RNF170: variants seen among roughly 807,000 people sequenced by gnomAD.
RNF170 encodes the protein ring finger protein 170.
Under a neutral mutation model 32.7 loss-of-function variants are expected in RNF170, and 12 were observed. The observed-to-expected ratio is 0.37, with a 90% CI of 0.24 to 0.60. RNF170 has a LOEUF of 0.60. Among genes scored for constraint, RNF170 ranks in the 20% least tolerant of loss-of-function variants. The pLI is 0.72. For synonymous variants in RNF170, 91 were observed against 103.6 expected (o/e 0.88, Z 0.74); for missense variants, 212 against 311.2 (o/e 0.68, Z 2.40).
At position 42,853,506 on chromosome 8, in the gene RNF170, C is replaced by A; in HGVS notation, c.*2653G>T. 7.8e-7 allele frequency: 1 copy of A among 1,287,070 alleles called. No individual in the cohort carries two copies. Among genetic ancestry groups the A allele is most frequent in the Non-Finnish European group, 1.0e-6 (1 of 988,640 alleles). 79.7% of individuals were successfully genotyped at this position (1,287,070 alleles called of 1,614,324 possible). A position where few individuals can be genotyped will look rare whatever the true frequency, so the allele number is the denominator to read the frequency against. On this transcript the variant is annotated 3_prime_UTR_variant, in exon 7 of 7. Coordinates refer to ENST00000527424, the MANE Select transcript of RNF170 (RefSeq NM_030954.4). The stretch of plus-strand genomic sequence containing the variant: ...TAGTTGAAACCACTGTTCTAGTGGG[C>A]AGTTAGAACAGTTGTTTTCCCCGTC...
downstream of RNF170, among the ~76,000 whole-genome samples, chr8:42,851,150 T>G (rs1432785764): frequency 2.6e-5 from 4 of 152,070 alleles, no homozygotes; most frequent in Non-Finnish European, 5.9e-5. Context: ...CAGCCCCCAT[T>G]GGGCTCCTGG....
intron 4 of RNF170, among the ~76,000 whole-genome samples, chr8:42,865,960 G>A (rs1207356620): frequency 6.6e-6 from 1 of 152,052 alleles, no homozygotes; most frequent in East Asian, 1.9e-4. Flanking sequence ...ACTCCAGCCT[G>A]GGCAACAAAG....
intron 6 of RNF170, among the ~76,000 whole-genome samples, chr8:42,859,016 C>G (rs2128924467): frequency 6.6e-6 from 1 of 152,152 alleles, no homozygotes; most frequent in African/African-American, 2.4e-5. Flanking sequence ...AACCCCATCT[C>G]TACAAAAAAT....
chr8:42,873,667 A>C (rs868033281), intron 3 of RNF170, among the ~76,000 whole-genome samples: 1 of 152,354 alleles, frequency 6.6e-6, no homozygotes, highest in African/African-American at 2.4e-5. Flanking sequence ...ATTAGACAGC[A>C]ATTATTTCTA....
chr8:42,856,476 G>T (rs1437342490), intron 6 of RNF170, 48 bp from the exon 7 acceptor site: 3 of 1,315,834 alleles, frequency 2.3e-6, no homozygotes, highest in Admixed American at 3.7e-5. Context: ...TAATGTGTCA[G>T]ATTTCAAAAT....
intron 5 of RNF170, 102 bp downstream of exon 5, chr8:42,865,314 T>G: frequency 1.2e-6 from 1 of 808,354 alleles, no homozygotes; most frequent in Non-Finnish European, 2.1e-6. Context: ...TAAATGAAGT[T>G]CTGCTAAAAA....
In RNF170 at chr8:42,887,888, C is replaced by T; in HGVS notation, c.-7-17G>A. The T allele has an allele frequency of 6.2e-7, 1 of 1,609,052 alleles. No homozygotes were observed. Among genetic ancestry groups the T allele is most frequent in the Non-Finnish European group, 8.5e-7 (1 of 1,175,650 alleles). On this transcript the variant is annotated splice_polypyrimidine_tract_variant and intron_variant, in intron 1 of 6. Coordinates refer to ENST00000527424, the MANE Select transcript of RNF170 (RefSeq NM_030954.4). ...ATTCCAGGTCTAAAATAAGAAGAAA[C>T]AAGATGAGAGTTACAAATGACACAG...
At chr8:42,869,933 T>C in intron 4 of RNF170, 71 bp downstream of exon 4, 1 of 1,087,354 alleles carries the variant, frequency 9.2e-7, no homozygotes, top group Non-Finnish European at 1.4e-6. Context: ...AAATTGGGAA[T>C]CCAGCCTTTG....
chr8:42,876,161 CTTCT>C (rs1008687765), intron 2 of RNF170, among the ~76,000 whole-genome samples: 17 of 151,722 alleles, frequency 1.1e-4, no homozygotes, highest in African/African-American at 4.1e-4. Context: ...TCTCCTCTGG[CTTCT>C]TTCTATAAGA....
intron 2 of RNF170, among the ~76,000 whole-genome samples, chr8:42,886,394 G>GAT (rs1805828686): frequency 6.6e-6 from 1 of 152,066 alleles, no homozygotes; most frequent in Admixed American, 6.6e-5. Flanking sequence ...TTTCCCCCAT[G>GAT]ATATCCACAG....
chr8:42,889,887 G>A (rs745517491), intron 1 of RNF170, among the ~76,000 whole-genome samples: 1 of 152,148 alleles, frequency 6.6e-6, no homozygotes, highest in Non-Finnish European at 1.5e-5. Flanking sequence ...TAGAGGTGCT[G>A]TAGCTGTTTC....
At chr8:42,869,555 C>G (rs1804371494) in intron 4 of RNF170, among the ~76,000 whole-genome samples, 1 of 152,158 alleles carries the variant, frequency 6.6e-6, no homozygotes, top group Non-Finnish European at 1.5e-5. Context: ...TTAGTACAAA[C>G]TCAGAGTCAA....
chr8:42,891,210 T>C (rs1308532314), intron 1 of RNF170, among the ~76,000 whole-genome samples: 1 of 152,154 alleles, frequency 6.6e-6, no homozygotes, highest in Non-Finnish European at 1.5e-5. Flanking sequence ...GTAAATAAAA[T>C]TCAAACGTTT....
rs1336899746 is a variant in RNF170, at chr8:42,887,695, A to G, written c.137+33T>C. ...GGTCAAAAAGTCAGCAGCCCTTGCA[A>G]ATCTACTCAATTCTTTTGTCCTTAA... On this transcript the variant is annotated intron_variant, in intron 2 of 6. Coordinates refer to ENST00000527424, the MANE Select transcript of RNF170 (RefSeq NM_030954.4). 5.0e-6 allele frequency: 8 copies of G among 1,611,392 alleles called. No individual in the cohort carries two copies. In the African/African-American group the frequency reaches 6.7e-5, roughly 13 times the overall value.
chr8:42,861,687 T>G (rs1379367462), intron 6 of RNF170, 58 bp downstream of exon 6: 1 of 1,372,124 alleles, frequency 7.3e-7, no homozygotes, highest in Non-Finnish European at 1.0e-6. Context: ...AACCTCACTT[T>G]ACAAAAGAGA....
At chr8:42,895,683 G>A (rs915956407) in intron 1 of RNF170, among the ~76,000 whole-genome samples, 3 of 152,158 alleles carry the variant, frequency 2.0e-5, no homozygotes, top group African/African-American at 7.2e-5. Context: ...GGAATACTAG[G>A]CAACAATTAA....
intron 3 of RNF170, among the ~76,000 whole-genome samples, chr8:42,871,475 CA>C (rs1246114997): frequency 6.6e-6 from 1 of 151,948 alleles, no homozygotes; most frequent in Non-Finnish European, 1.5e-5. Context: ...CCTAAATCAC[CA>C]GAATATTCTG....
intron 2 of RNF170, among the ~76,000 whole-genome samples, chr8:42,879,959 G>A (rs1218284032): frequency 1.3e-5 from 2 of 152,180 alleles, no homozygotes; most frequent in African/African-American, 2.4e-5. Context: ...ACAGGCATGA[G>A]CCACCATGCC....
chr8:42,878,734 G>A (rs1202129431), intron 2 of RNF170, among the ~76,000 whole-genome samples: 1 of 152,246 alleles, frequency 6.6e-6, no homozygotes, highest in Admixed American at 6.5e-5. Context: ...TTTTTATGTA[G>A]AAGAAACAGT....
Sources: gnomAD v4.1 joint callset for allele counts (sites outside exome capture counted in the v4.1 genomes callset) on GRCh38, gnomAD v4.1.1 for gene constraint, MANE v1.5 for transcripts, NCBI Gene and HGNC (gene_info 2026-07-23, HGNC 2026-07-21) for gene names.